Variants in AKAP8 observed in about 807,000 individuals in gnomAD.
AKAP8 encodes the protein A-kinase anchoring protein 8, also known as A-kinase anchor protein 8.
AKAP8 carries 24 observed loss-of-function variants against 67.5 expected under a neutral mutation model. That is an observed-to-expected ratio of 0.36 (90% CI 0.26 to 0.50). The LOEUF is 0.50. Among genes scored for constraint, AKAP8 ranks in the 20% least tolerant of loss-of-function variants. The pLI is 0.97. For missense variants in AKAP8, 971 were observed against 955.9 expected (o/e 1.02, Z -0.21); for synonymous variants, 400 against 371.1 (o/e 1.08, Z -0.90).
Position 15,377,117 on chromosome 19 carries a change from T to C in AKAP8, c.20-103A>G. On this transcript the variant is annotated intron_variant, in intron 1 of 13. Coordinates refer to ENST00000269701, the MANE Select transcript of AKAP8 (RefSeq NM_005858.4). ...ATCTCCTTACAGTTCAGTGCCAGCCTTAGAAGAAGGAAGACTCCCCCCCAC... is the reference window on the plus strand; with the variant it reads ...ATCTCCTTACAGTTCAGTGCCAGCCCTAGAAGAAGGAAGACTCCCCCCCAC... 5.9e-6 allele frequency: 8 copies of C among 1,363,378 alleles called. No individual in the cohort carries two copies. The South Asian group carries it at 1.0e-4, about 18-fold the overall frequency. The allele number at this position is 1,363,378 out of a possible 1,614,324, so 84.5% of individuals were successfully genotyped here.
In AKAP8 at chr19:15,355,140, A is replaced by T; in HGVS notation, c.1854T>A (p.Asp618Glu). 1 of 1,613,248 alleles carries T rather than the reference A, an allele frequency of 6.2e-7. No individual in the cohort carries two copies. ...GPTDTAEAGSDPQAEQLLEEQ... is the reference protein window; with the variant it reads ...GPTDTAEAGSEPQAEQLLEEQ... ...CTTCCAGCAGCTGTTCGGCTTGAGGATCACTACCGGCCTCCGCTGTGTCCG... is the reference window on the plus strand; with the variant it reads ...CTTCCAGCAGCTGTTCGGCTTGAGGTTCACTACCGGCCTCCGCTGTGTCCG... The change falls in exon 14 of 14, where the codon GAT (aspartate) becomes GAA (glutamate). Residue 618 changes from aspartate to glutamate, a missense_variant. Coordinates refer to ENST00000269701, the MANE Select transcript of AKAP8 (RefSeq NM_005858.4).
chr19:15,368,931 A>G, intron 8 of AKAP8: 2 of 985,924 alleles, frequency 2.0e-6, no homozygotes, highest in South Asian at 9.4e-5. Context: ...TTGGGAAGAG[A>G]CCAATTGGTC....
intron 9 of AKAP8, among the ~76,000 whole-genome samples, chr19:15,363,496 C>T (rs1465734512): frequency 8.4e-5 from 12 of 143,022 alleles, no homozygotes; most frequent in Non-Finnish European, 1.7e-4. Context: ...GGGGGTCAGC[C>T]CCCCGCCCGG....
intron 13 of AKAP8, among the ~76,000 whole-genome samples, chr19:15,355,819 C>T (rs2048274602): frequency 6.6e-6 from 1 of 151,992 alleles, no homozygotes; most frequent in South Asian, 2.1e-4. Context: ...TCACCACAAC[C>T]TCTGCCTCCT....
chr19:15,366,069 G>A (rs554079881), intron 9 of AKAP8, among the ~76,000 whole-genome samples: 20 of 119,110 alleles, frequency 1.7e-4, no homozygotes, highest in African/African-American at 4.9e-4. Flanking sequence ...AGTCACTAGC[G>A]CACACTCTGA....
At position 15,360,742 on chromosome 19, in the gene AKAP8, CAT is replaced by C. The variant is rs1259766222; in HGVS notation, c.1527+104_1527+105del. On this transcript the variant is annotated intron_variant, in intron 12 of 13. Transcript: ENST00000269701. ...ATCGATGGAAGTGATAGACTTGAAA[CAT>C]AGCAAGAACCCCTAAAGATGTTGTT... 2.2e-6 allele frequency: 3 copies of C among 1,368,872 alleles called. No homozygotes were observed. In the African/African-American group the frequency reaches 4.4e-5, roughly 20 times the overall value. 84.8% of individuals were successfully genotyped at this position (1,368,872 alleles called of 1,614,324 possible).
At chr19:15,356,244 C>T (rs1234582940) in intron 13 of AKAP8, among the ~76,000 whole-genome samples, 2 of 141,406 alleles carry the variant, frequency 1.4e-5, no homozygotes, top group East Asian at 2.1e-4. Flanking sequence ...ACTAAAAATA[C>T]AAAAAAAAAA....
chr19:15,355,774 T>C (rs1481914104), intron 13 of AKAP8, among the ~76,000 whole-genome samples: 1 of 151,742 alleles, frequency 6.6e-6, no homozygotes, highest in Non-Finnish European at 1.5e-5. Context: ...TTTTGCTTTG[T>C]TGCCCAGGAT....
At chr19:15,361,953 C>T in intron 10 of AKAP8, 131 bp from the exon 11 acceptor site, 3 of 1,343,748 alleles carry the variant, frequency 2.2e-6, no homozygotes, top group Admixed American at 4.4e-5. Context: ...GGCTGGAGCT[C>T]CCGGTTGTCC....
chr19:15,362,028 CT>C, intron 10 of AKAP8, 81 bp downstream of exon 10: 1 of 1,562,792 alleles, frequency 6.4e-7, no homozygotes, highest in Non-Finnish European at 8.7e-7. Flanking sequence ...AGTATAGCCT[CT>C]GATTTCCCTT....
Position 15,374,050 on chromosome 19 carries a change from T to C in AKAP8, c.107A>G (p.Asn36Ser), listed in dbSNP as rs200427700. Reference sequence around the variant, plus strand: ...ACTGGTGTTCTGGGCGCCATAGTAATTGTAGTTTTCATAACCTGTCACAGG... The same window carrying C: ...ACTGGTGTTCTGGGCGCCATAGTAACTGTAGTTTTCATAACCTGTCACAGG... ...VASWQGYENY[N>S]YYGAQNTSVT... The change falls in exon 4 of 14, where the codon AAT (asparagine) becomes AGT (serine). Residue 36 changes from asparagine (N) to serine (S), a missense_variant. By Grantham distance (46) the Asn-to-Ser change is conservative. Coordinates refer to ENST00000269701, the MANE Select transcript of AKAP8 (RefSeq NM_005858.4). 4.2e-5 allele frequency: 66 copies of C among 1,566,640 alleles called. No individual in the cohort carries two copies. The Admixed American group carries it at 5.9e-4, about 14-fold the overall frequency.
At chr19:15,357,428 C>CAAA (rs59205660) in intron 13 of AKAP8, among the ~76,000 whole-genome samples, 5 of 40,706 alleles carry the variant, frequency 1.2e-4, no homozygotes, top group African/African-American at 2.2e-4. Context: ...GACTCCATCT[C>CAAA]AAAAAAAAAA....
rs1383412668 is a variant in AKAP8 at position 15,373,785 on chromosome 19, C to T, written c.371+1G>A. 1 of 1,606,140 alleles carries T rather than the reference C, an allele frequency of 6.2e-7. No homozygotes were observed. The highest frequency in any genetic ancestry group is 8.5e-7 in the Non-Finnish European group (1 of 1,179,000). On this transcript the variant is annotated splice_donor_variant, in intron 4 of 13. Coordinates refer to ENST00000269701, the MANE Select transcript of AKAP8 (RefSeq NM_005858.4). LOFTEE classifies it high-confidence loss of function. ...GGGGGAGGGCTTGGGTCCATAATCA[C>T]CTCTCCCGGTCCTGTATGCCCTCCC...
Position 15,355,295 on chromosome 19 carries a change from T to C in AKAP8, c.1699A>G (p.Lys567Glu). 6.2e-7 allele frequency: 1 copy of C among 1,613,770 alleles called. No individual in the cohort carries two copies. The highest frequency in any genetic ancestry group is 8.5e-7 in the Non-Finnish European group (1 of 1,180,030). ...GCGGCCACCTCCTCAGGTGTCTCTT[T>C]CTTATCCTCACCTCCTAAATTGTCA... ...GDDNLGGEDK[K>E]ETPEEVAADV... Residue 567 changes from lysine to glutamate, a missense_variant, in exon 14 of 14, where the codon AAA (lysine) becomes GAA (glutamate). Transcript: ENST00000269701.
chr19:15,371,851 A>G (rs926167732), intron 7 of AKAP8, 101 bp downstream of exon 7: 10 of 1,358,504 alleles, frequency 7.4e-6, no homozygotes, highest in African/African-American at 1.4e-5. Flanking sequence ...AGAGGTAGTC[A>G]AATCTACCAT....
At chr19:15,362,081 C>A (rs142436861) in intron 10 of AKAP8, 29 bp downstream of exon 10, 5 of 1,611,722 alleles carry the variant, frequency 3.1e-6, no homozygotes, top group African/African-American at 1.3e-5. Context: ...GGGCAAGAGA[C>A]GCGGTGACGG....
At chr19:15,356,493 G>A (rs1317270583) in intron 13 of AKAP8, among the ~76,000 whole-genome samples, 1 of 151,316 alleles carries the variant, frequency 6.6e-6, no homozygotes, top group Non-Finnish European at 1.5e-5. Flanking sequence ...TTAAGGTACA[G>A]TGGCTCACGC....
chr19:15,379,676 T>C, intron 1 of AKAP8, 37 bp downstream of exon 1: 1 of 1,600,962 alleles, frequency 6.2e-7, no homozygotes, highest in Non-Finnish European at 8.5e-7. Context: ...GCACAGAGCC[T>C]TCCCTCCCCG....
At chr19:15,356,899 A>C (rs1327243161) in intron 13 of AKAP8, among the ~76,000 whole-genome samples, 1 of 152,004 alleles carries the variant, frequency 6.6e-6, no homozygotes, top group Non-Finnish European at 1.5e-5. Context: ...GGGAGGCGGA[A>C]GCAGGCAGAT....
Sources: gnomAD v4.1 joint callset for allele counts (sites outside exome capture counted in the v4.1 genomes callset) on GRCh38, gnomAD v4.1.1 for gene constraint, MANE v1.5 for transcripts, NCBI Gene and HGNC (gene_info 2026-07-23, HGNC 2026-07-21) for gene names.